MEIS3: variants seen among roughly 807,000 people sequenced by gnomAD.
MEIS3 encodes homeobox protein Meis3.
Under a neutral mutation model 51.4 loss-of-function variants are expected in MEIS3, and 38 were observed. The observed-to-expected ratio is 0.74, with a 90% CI of 0.57 to 0.97. The LOEUF is 0.97. MEIS3 is among the 50% of genes least tolerant of loss of function. MEIS3 has a pLI of 0.00. For missense variants in MEIS3, 456 were observed against 502.6 expected (o/e 0.91, Z 0.89); for synonymous variants, 198 against 201.8 (o/e 0.98, Z 0.16).
intron 3 of MEIS3, 30 bp downstream of exon 3, chr19:47,416,774 C>T (rs750943252): frequency 1.9e-6 from 3 of 1,612,778 alleles, no homozygotes; most frequent in Admixed American, 1.7e-5. Flanking sequence ...GGCTCTCTGA[C>T]TCGGTGTGTG....
rs375013307 is a variant in MEIS3 at position 47,409,590 on chromosome 19, G to A, written c.598-43C>T. 86 of 1,455,280 alleles carry A rather than the reference G, an allele frequency of 5.9e-5. 2 individuals carry two copies. Among genetic ancestry groups the A allele is most frequent in the Middle Eastern group, 5.7e-4 (3 of 5,272 alleles). 90.1% of individuals were successfully genotyped at this position (1,455,280 alleles called of 1,614,324 possible). ...GAAGTTAGTGCCAAGGCGGCCGGGC[G>A]CAGTGGCTCACGCCTGTAATCCCAG... On this transcript the variant is annotated intron_variant, in intron 6 of 12. Coordinates refer to ENST00000558555, the MANE Select transcript of MEIS3 (RefSeq NM_001301059.2).
At chr19:47,418,906 GC>G (rs1568432170) in intron 1 of MEIS3, 163 bp downstream of exon 1, 1 of 413,084 alleles carries the variant, frequency 2.4e-6, no homozygotes, top group Admixed American at 4.5e-5. Flanking sequence ...CAGAGAGGGG[GC>G]ACACAGGGAC....
chr19:47,413,195 G>T (rs1599816237), intron 6 of MEIS3, among the ~76,000 whole-genome samples: 1 of 151,434 alleles, frequency 6.6e-6, no homozygotes, highest in South Asian at 2.1e-4. Context: ...TCAGGAGTTC[G>T]AGGCCAGCCT....
At chr19:47,407,287 A>G in intron 9 of MEIS3, 65 bp downstream of exon 9, 1 of 1,571,212 alleles carries the variant, frequency 6.4e-7, no homozygotes, top group Non-Finnish European at 8.7e-7. Flanking sequence ...GGCCTCCGTC[A>G]GCACCGCGGA....
At chr19:47,410,426 CGG>C (rs1180001494) in intron 6 of MEIS3, among the ~76,000 whole-genome samples, 1 of 131,372 alleles carries the variant, frequency 7.6e-6, no homozygotes, top group Non-Finnish European at 1.6e-5. Context: ...CCAGCCTGGC[CGG>C]GGTGACAAAG....
intron 4 of MEIS3, chr19:47,416,269 C>A: frequency 5.6e-6 from 1 of 179,428 alleles, no homozygotes; most frequent in Non-Finnish European, 1.2e-5. Context: ...GAACATCAGA[C>A]ACTTTTTGAG....
At chr19:47,409,289 G>C in intron 7 of MEIS3, 42 bp from the exon 8 acceptor site, 1 of 1,591,384 alleles carries the variant, frequency 6.3e-7, no homozygotes, top group Non-Finnish European at 8.5e-7. Flanking sequence ...GTAGTGAAGA[G>C]TGGAGGACCA....
chr19:47,409,681 G>A, intron 6 of MEIS3, 134 bp from the exon 7 acceptor site: 1 of 580,240 alleles, frequency 1.7e-6, no homozygotes, highest in Non-Finnish European at 3.1e-6. Context: ...GGCTAACATG[G>A]TGAAACCCCG....
intron 12 of MEIS3, among the ~76,000 whole-genome samples, chr19:47,404,548 C>T (rs921237941): frequency 1.3e-5 from 2 of 152,102 alleles, no homozygotes; most frequent in African/African-American, 2.4e-5. Context: ...CTCACAGCCA[C>T]GAGATTTCCA....
At chr19:47,415,370 G>A (rs750582227) in intron 4 of MEIS3, among the ~76,000 whole-genome samples, 13 of 151,954 alleles carry the variant, frequency 8.6e-5, no homozygotes, top group African/African-American at 2.7e-4. Context: ...CATCACAAGC[G>A]GGGAGAGCTA....
Position 47,419,210 on chromosome 19 carries a change from G to GT in MEIS3, c.-130_-129insA. 1.7e-6 allele frequency: 1 copy of GT among 574,248 alleles called. No homozygotes were observed. The highest frequency in any genetic ancestry group is 2.5e-6 in the Non-Finnish European group (1 of 396,728). 35.6% of individuals were successfully genotyped at this position (574,248 alleles called of 1,614,324 possible). ...GGGGTGGGCAGGAGGCCAGGCGCGC[G>GT]CCCCCCCACCCCCGCCGCCGTCAGC... On this transcript the variant is annotated 5_prime_UTR_variant, in exon 1 of 13. Coordinates refer to ENST00000558555, the MANE Select transcript of MEIS3 (RefSeq NM_001301059.2).
chr19:47,416,997 G>T lies in MEIS3; in HGVS notation c.186-34C>A, dbSNP rs987361295. The T allele has an allele frequency of 1.9e-6, 3 of 1,553,912 alleles. No homozygotes were observed. In the Admixed American group the frequency reaches 6.0e-5, roughly 31 times the overall value. On this transcript the variant is annotated intron_variant, in intron 2 of 12. Transcript: ENST00000558555. ...GCAGGAAAGGAGAGAGGTTGAGGGAGAGGCTGGGAGGTGGATGGAGGGGCT... is the reference window on the plus strand; with the variant it reads ...GCAGGAAAGGAGAGAGGTTGAGGGATAGGCTGGGAGGTGGATGGAGGGGCT...
chr19:47,416,818 C>T lies in MEIS3; in HGVS notation c.331G>A (p.Ala111Thr). The T allele has an allele frequency of 1.2e-6, 2 of 1,613,734 alleles. No homozygotes were observed. Among genetic ancestry groups the T allele is most frequent in the Non-Finnish European group, 1.7e-6 (2 of 1,179,870 alleles). The change falls in exon 3 of 13, where the codon GCC (alanine) becomes ACC (threonine). Residue 111 changes from alanine (A) to threonine (T), a missense_variant. Transcript: ENST00000558555. Reference protein sequence around the residue: ...SSDSFNEDIAAFAKQVRSERP... With the variant: ...SSDSFNEDIATFAKQVRSERP... ...GAGGTGCCCACCTGCTTGGCAAAGGCAGCGATGTCCTCGTTGAAGGAATCA... is the reference window on the plus strand; with the variant it reads ...GAGGTGCCCACCTGCTTGGCAAAGGTAGCGATGTCCTCGTTGAAGGAATCA...
chr19:47,420,989 C>A (rs1205083589), upstream of MEIS3, among the ~76,000 whole-genome samples: 2 of 146,716 alleles, frequency 1.4e-5, no homozygotes, highest in African/African-American at 5.1e-5. Context: ...GGCTGTCTCC[C>A]TTAAATAGTC....
intron 1 of MEIS3, chr19:47,418,811 A>C: frequency 5.8e-6 from 2 of 345,160 alleles, no homozygotes; most frequent in Non-Finnish European, 5.1e-6. Context: ...TGGGGCAGAC[A>C]GAGGGGGACA....
At chr19:47,420,587 G>GAC (rs1491128277), upstream of MEIS3, among the ~76,000 whole-genome samples, 8 of 28,644 alleles carry the variant, frequency 2.8e-4, no homozygotes, top group Admixed American at 1.2e-3. Flanking sequence ...CAGACAGAGT[G>GAC]AGACAGACAG....
chr19:47,403,357 G>A lies in MEIS3; in HGVS notation c.*214C>T. ...GTCCCAGGCAGAGGTGAAGGCAGAA[G>A]TGGGGCTCAGGGCCTGGAGGCCTTG... On this transcript the variant is annotated 3_prime_UTR_variant, in exon 13 of 13. Coordinates refer to ENST00000558555, the MANE Select transcript of MEIS3 (RefSeq NM_001301059.2). The A allele has an allele frequency of 2.2e-6, 1 of 452,142 alleles. No individual in the cohort carries two copies. Among genetic ancestry groups the A allele is most frequent in the Non-Finnish European group, 4.4e-6 (1 of 225,696 alleles). The allele number at this position is 452,142 out of a possible 1,614,324, so 28.0% of individuals were successfully genotyped here.
rs1296145767 is a variant in MEIS3, at chr19:47,409,662, G to T, written c.598-115C>A. On this transcript the variant is annotated intron_variant, in intron 6 of 12. Transcript: ENST00000558555. ...GCAGATCACAAGGTCAAGAGATCAA[G>T]ACCATCATGGCTAACATGGTGAAAC... 4.6e-6 allele frequency: 3 copies of T among 657,938 alleles called. No individual in the cohort carries two copies. In the African/African-American group the frequency reaches 5.4e-5, roughly 12 times the overall value. 40.8% of individuals were successfully genotyped at this position (657,938 alleles called of 1,614,324 possible). A position where few individuals can be genotyped will look rare whatever the true frequency, so the allele number is the denominator to read the frequency against.
chr19:47,413,235 G>A (rs1201476787), intron 6 of MEIS3, among the ~76,000 whole-genome samples: 1 of 151,414 alleles, frequency 6.6e-6, no homozygotes. Context: ...CGTCTCTACT[G>A]AACAAAAATT....
Sources: gnomAD v4.1 joint callset for allele counts (sites outside exome capture counted in the v4.1 genomes callset) on GRCh38, gnomAD v4.1.1 for gene constraint, MANE v1.5 for transcripts, NCBI Gene and HGNC (gene_info 2026-07-23, HGNC 2026-07-21) for gene names.